The following ELOVL4 variants were observed in gnomAD, a reference collection of about 807,000 sequenced individuals.
ELOVL4 encodes the protein very long chain fatty acid elongase 4.
In ELOVL4, 18 loss-of-function variants were observed where a neutral mutation model predicts 42.1. That is an observed-to-expected ratio of 0.43 (90% CI 0.30 to 0.63). ELOVL4 has a LOEUF of 0.63. Among genes scored for constraint, ELOVL4 ranks in the 30% least tolerant of loss-of-function variants. The probability of loss-of-function intolerance (pLI) is 0.15; values close to 1 mark genes in which losing one functional copy is unlikely to be tolerated. For missense variants in ELOVL4, 299 were observed against 376.2 expected (o/e 0.79, Z 1.70); for synonymous variants, 117 against 127.0 (o/e 0.92, Z 0.53).
rs79524026 is a variant in ELOVL4, at chr6:79,946,822, G to A, written c.100+358C>T. Among the ~76,000 whole-genome samples, 410 of 152,268 alleles carry A rather than the reference G, an allele frequency of 2.7e-3. 2 individuals carry two copies. Among genetic ancestry groups the A allele is most frequent in the African/African-American group, 9.4e-3 (389 of 41,554 alleles). The stretch of plus-strand genomic sequence containing the variant: ...AAATGTTAAAAGGAATCCTGTGCAC[G>A]GGGAAGAGGGAGGCGAGCTCGGGAG... On this transcript the variant is annotated intron_variant, in intron 1 of 5. Transcript: ENST00000369816.
At chr6:79,924,105 T>C (rs1774305723) in intron 3 of ELOVL4, among the ~76,000 whole-genome samples, 1 of 152,232 alleles carries the variant, frequency 6.6e-6, no homozygotes, top group Non-Finnish European at 1.5e-5. Flanking sequence ...TTGTTTCTTT[T>C]GCTTAATGTT....
At chr6:79,918,919 T>C (rs1282311193) in intron 5 of ELOVL4, among the ~76,000 whole-genome samples, 2 of 152,202 alleles carry the variant, frequency 1.3e-5, no homozygotes, top group Non-Finnish European at 2.9e-5. Context: ...TTCCCTTCCT[T>C]TGCCCCACCC....
chr6:79,917,519 T>C (rs1017547917), intron 5 of ELOVL4, among the ~76,000 whole-genome samples: 3 of 152,216 alleles, frequency 2.0e-5, no homozygotes, highest in African/African-American at 7.2e-5. Context: ...CACTATCCTT[T>C]AAAAACTAAT....
chr6:79,939,124 G>T (rs1486401343), intron 1 of ELOVL4, among the ~76,000 whole-genome samples: 1 of 151,874 alleles, frequency 6.6e-6, no homozygotes, highest in African/African-American at 2.4e-5. Context: ...CTAGCCACTC[G>T]GATTTTTTTT....
At chr6:79,922,302 TATGTGCAACAAC>T (rs1219572012) in intron 3 of ELOVL4, among the ~76,000 whole-genome samples, 1 of 148,488 alleles carries the variant, frequency 6.7e-6, no homozygotes, top group Non-Finnish European at 1.5e-5. Context: ...ACTGCACCAA[TATGTGCAACAAC>T]ATAAATATCC....
At chr6:79,919,955 A>C (rs1025034291) in intron 4 of ELOVL4, among the ~76,000 whole-genome samples, 3 of 152,230 alleles carry the variant, frequency 2.0e-5, no homozygotes, top group Non-Finnish European at 4.4e-5. Flanking sequence ...AAATAGTTTA[A>C]AATATGACAG....
intron 1 of ELOVL4, among the ~76,000 whole-genome samples, chr6:79,927,445 CATA>C (rs1582048619): frequency 1.3e-5 from 2 of 152,068 alleles, no homozygotes; most frequent in East Asian, 1.9e-4. Context: ...AATTGTTGAT[CATA>C]ATAACTCCCT....
intron 1 of ELOVL4, among the ~76,000 whole-genome samples, chr6:79,932,343 C>A (rs1277293617): frequency 1.3e-5 from 2 of 152,124 alleles, no homozygotes; most frequent in South Asian, 2.1e-4. Flanking sequence ...GAGTTCAAGA[C>A]CAGCCTGGCC....
At chr6:79,927,163 T>A (rs1316752542) in intron 1 of ELOVL4, among the ~76,000 whole-genome samples, 1 of 152,140 alleles carries the variant, frequency 6.6e-6, no homozygotes, top group Non-Finnish European at 1.5e-5. Flanking sequence ...TATAATGGAA[T>A]GTTGCCACAA....
intron 4 of ELOVL4, 145 bp downstream of exon 4, chr6:79,921,480 A>G (rs1371505367): frequency 1.6e-6 from 1 of 625,336 alleles, no homozygotes; most frequent in South Asian, 2.2e-5. Flanking sequence ...AAAAAAAAAA[A>G]AAAAAAAAAG....
At chr6:79,939,503 C>CTTTATTTA (rs70977795) in intron 1 of ELOVL4, among the ~76,000 whole-genome samples, 6,552 of 145,494 alleles carry the variant, frequency 0.045, 277 homozygotes, top group African/African-American at 0.11. Context: ...AATTTGACTA[C>CTTTATTTA]TTTATTTATT....
chr6:79,938,337 C>CA (rs1330961971), intron 1 of ELOVL4, among the ~76,000 whole-genome samples: 1 of 152,054 alleles, frequency 6.6e-6, no homozygotes, highest in African/African-American at 2.4e-5. Context: ...TTCCCTTTAG[C>CA]AAAAAAGATG....
At position 79,919,440 on chromosome 6, in the gene ELOVL4, A is replaced by G. The variant is rs373929988; in HGVS notation, c.649T>C (p.Tyr217His). 9 of 1,613,848 alleles carry G rather than the reference A, an allele frequency of 5.6e-6. No homozygotes were observed. The highest frequency in any genetic ancestry group is 1.1e-5 in the South Asian group (1 of 91,076). Residue 217 changes from tyrosine (Y) to histidine (H), a missense_variant, in exon 5 of 6, where the codon TAC (tyrosine) becomes CAC (histidine). Coordinates refer to ENST00000369816, the MANE Select transcript of ELOVL4 (RefSeq NM_022726.4). ...WIQKYLWWKRYLTMLQLIQFH... is the reference protein window; with the variant it reads ...WIQKYLWWKRHLTMLQLIQFH... ...CTCACCAGTTGCAACATAGTCAGGT[A>G]TCGTTTCCACCAAAGATATTTCTGA...
chr6:79,927,681 C>A (rs1396339527), intron 1 of ELOVL4, among the ~76,000 whole-genome samples: 1 of 152,000 alleles, frequency 6.6e-6, no homozygotes, highest in Non-Finnish European at 1.5e-5. Flanking sequence ...AGAAGGTGAG[C>A]TATTGCTTGA....
At chr6:79,937,371 A>C (rs1774562260) in intron 1 of ELOVL4, among the ~76,000 whole-genome samples, 1 of 152,190 alleles carries the variant, frequency 6.6e-6, no homozygotes, top group Admixed American at 6.5e-5. Context: ...GCAAAAAATA[A>C]GAACAGATTC....
intron 1 of ELOVL4, among the ~76,000 whole-genome samples, chr6:79,943,531 G>A (rs1013473937): frequency 9.9e-5 from 15 of 152,146 alleles, no homozygotes; most frequent in African/African-American, 3.6e-4. Context: ...TTTCACTTAG[G>A]AGAAGTAGAG....
chr6:79,943,676 GC>G (rs1774685229), intron 1 of ELOVL4, among the ~76,000 whole-genome samples: 1 of 152,126 alleles, frequency 6.6e-6, no homozygotes, highest in South Asian at 2.1e-4. Context: ...TTTGCAAGAT[GC>G]ATGAGGGCAG....
At chr6:79,942,713 C>T (rs1433747882) in intron 1 of ELOVL4, among the ~76,000 whole-genome samples, 1 of 152,056 alleles carries the variant, frequency 6.6e-6, no homozygotes. Context: ...TCCTGACACC[C>T]GTTTTAGAAC....
intron 1 of ELOVL4, among the ~76,000 whole-genome samples, chr6:79,939,388 A>G (rs1347597136): frequency 6.6e-6 from 1 of 152,080 alleles, no homozygotes; most frequent in African/African-American, 2.4e-5. Context: ...GACTCTCTGG[A>G]ACTTTTCTAT....
Sources: allele counts gnomAD v4.1 joint callset (sites outside exome capture counted in the v4.1 genomes callset), GRCh38; gene constraint gnomAD v4.1.1; transcripts MANE v1.5; gene names NCBI Gene and HGNC (gene_info 2026-07-23, HGNC 2026-07-21).